Variants in CEP350 observed in about 807,000 individuals in gnomAD.
The protein encoded by CEP350 is centrosome-associated protein 350.
CEP350 carries 126 observed loss-of-function variants against 331.8 expected under a neutral mutation model. That is an observed-to-expected ratio of 0.38 (90% CI 0.33 to 0.44). CEP350 has a LOEUF of 0.44. Among genes scored for constraint, CEP350 ranks in the 20% least tolerant of loss-of-function variants. The probability of loss-of-function intolerance (pLI) is 1.00; values close to 1 mark genes in which losing one functional copy is unlikely to be tolerated. For synonymous variants in CEP350, 1,200 were observed against 1,259.5 expected (o/e 0.95, Z 1.00); for missense variants, 3,406 against 3,634.6 (o/e 0.94, Z 1.62).
At position 180,095,907 on chromosome 1, in the gene CEP350, A is replaced by G. The variant is rs749840545; in HGVS notation, c.8896A>G (p.Thr2966Ala). ...CASKGLDIES[T>A]SKRVYKQAVF... ...CAGTAAAGGTCTAGATATAGAAAGCACTAGTAAAAGGGTCTACAAACAGGT... is the reference window on the plus strand; with the variant it reads ...CAGTAAAGGTCTAGATATAGAAAGCGCTAGTAAAAGGGTCTACAAACAGGT... The change falls in exon 35 of 38, where the codon ACT becomes GCT. Residue 2966 changes from threonine to alanine, a missense_variant. Physicochemically the swap from Thr to Ala is moderately conservative, Grantham distance 58. Coordinates refer to ENST00000367607, the MANE Select transcript of CEP350 (RefSeq NM_014810.5). 2 of 1,605,096 alleles carry G rather than the reference A, an allele frequency of 1.2e-6. No individual in the cohort carries two copies. Among genetic ancestry groups the G allele is most frequent in the Admixed American group, 1.7e-5 (1 of 57,736 alleles).
At chr1:180,096,523 GT>G in intron 36 of CEP350, among the ~76,000 whole-genome samples, 1 of 152,264 alleles carries the variant, frequency 6.6e-6, no homozygotes, top group South Asian at 2.1e-4. Context: ...TTTTAGGTAA[GT>G]TTTGGGGGCT....
In CEP350 at chr1:180,075,080, C is replaced by A; in HGVS notation, c.5626C>A (p.Leu1876Ile). The change falls in exon 28 of 38, where the codon CTA becomes ATA. Residue 1876 changes from leucine (L) to isoleucine (I), a missense_variant. By Grantham distance (5) the Leu-to-Ile change is conservative. Around this residue, in one of 5 missense-constraint regions of CEP350, gnomAD observed 1,415 missense variants for 1,512.3 expected, o/e 0.94. Transcript: ENST00000367607. ...ACGGCGACAACATGCAGAGGAGCTC[C>A]TAGAGTGGAAGCGACGTTTAGATGC... Reference protein sequence around the residue: ...MQRRQHAEELLEWKRRLDAEE... With the variant: ...MQRRQHAEELIEWKRRLDAEE... The A allele has an allele frequency of 6.2e-7, 1 of 1,613,262 alleles. No homozygotes were observed. Among genetic ancestry groups the A allele is most frequent in the Non-Finnish European group, 8.5e-7 (1 of 1,179,598 alleles).
At chr1:180,042,132 T>TCTCACACACACACACACACA (rs1553258521) in intron 19 of CEP350, among the ~76,000 whole-genome samples, 3 of 146,774 alleles carry the variant, frequency 2.0e-5, no homozygotes, top group African/African-American at 7.6e-5. Context: ...GAGTTTTCTC[T>TCTCACACACACACACACACA]CACACACACA....
chr1:180,042,008 A>C (rs1428906809), intron 19 of CEP350, among the ~76,000 whole-genome samples: 2 of 152,162 alleles, frequency 1.3e-5, no homozygotes, highest in East Asian at 3.8e-4. Context: ...GGCAGAAAAA[A>C]GATGAAGAGC....
chr1:180,020,891 G>T lies in CEP350; in HGVS notation c.3117G>T (p.Leu1039Phe), dbSNP rs1312314804. ...KEFQKEAEKF[L>F]PLFGHIGGTQ... Reference sequence around the variant, plus strand: ...TTCAGAAAGAAGCTGAAAAATTCTTGCCACTTTTTGGGCACATAGGTGGTA... The same window carrying T: ...TTCAGAAAGAAGCTGAAAAATTCTTTCCACTTTTTGGGCACATAGGTGGTA... The change falls in exon 12 of 38, where the codon TTG (leucine) becomes TTT (phenylalanine). Residue 1039 changes from leucine (L) to phenylalanine (F), a missense_variant. By Grantham distance (22) the Leu-to-Phe change is conservative. Around this residue, in one of 5 missense-constraint regions of CEP350, gnomAD observed 1,857 missense variants for 1,909.2 expected, o/e 0.97. Coordinates refer to ENST00000367607, the MANE Select transcript of CEP350 (RefSeq NM_014810.5). 6.2e-7 allele frequency: 1 copy of T among 1,613,266 alleles called. No homozygotes were observed. The highest frequency in any genetic ancestry group is 8.5e-7 in the Non-Finnish European group (1 of 1,179,826).
At chr1:179,996,500 G>T in intron 5 of CEP350, 53 bp from the exon 6 acceptor site, 2 of 1,275,722 alleles carry the variant, frequency 1.6e-6, no homozygotes, top group Non-Finnish European at 2.1e-6. Context: ...CAATTTTCAA[G>T]TATACAATAT....
At chr1:180,100,219 G>A (rs1660722375) in intron 37 of CEP350, among the ~76,000 whole-genome samples, 2 of 152,134 alleles carry the variant, frequency 1.3e-5, no homozygotes, top group Non-Finnish European at 2.9e-5. Context: ...AAGGACTAAT[G>A]TTATTCTTTG....
chr1:180,021,948 T>G (rs1655349676), intron 12 of CEP350, among the ~76,000 whole-genome samples: 1 of 152,172 alleles, frequency 6.6e-6, no homozygotes, highest in Non-Finnish European at 1.5e-5. Context: ...AGTCCCTTTC[T>G]CTATCCTTCC....
chr1:180,004,166 A>G (rs1344708058), intron 7 of CEP350, among the ~76,000 whole-genome samples: 2 of 152,176 alleles, frequency 1.3e-5, no homozygotes, highest in Admixed American at 1.3e-4. Context: ...TATGTTACAT[A>G]ACTTCTCTTT....
intron 1 of CEP350, among the ~76,000 whole-genome samples, chr1:179,963,406 T>C (rs964725529): frequency 2.6e-5 from 4 of 152,182 alleles, no homozygotes; most frequent in Non-Finnish European, 4.4e-5. Context: ...AGAAGAGTTT[T>C]TCCTAGGTTT....
At chr1:180,043,284 G>T in intron 20 of CEP350, 92 bp downstream of exon 20, 1 of 1,404,894 alleles carries the variant, frequency 7.1e-7, no homozygotes, top group Non-Finnish European at 9.5e-7. Flanking sequence ...GTTGTTATAG[G>T]CATTATTCTT....
At position 180,023,990 on chromosome 1, in the gene CEP350, A is replaced by G. The variant is rs182548382; in HGVS notation, c.3387-429A>G. On this transcript the variant is annotated intron_variant, in intron 13 of 37. Transcript: ENST00000367607. ...GAAAATATGAAATTTTTAAATAAAA[A>G]CCTTCAAAGATTTATGGTGACATTT... Among the ~76,000 whole-genome samples the G allele has an allele frequency of 4.4e-3, 664 of 152,142 alleles. 5 individuals are homozygous for G. Among genetic ancestry groups the G allele is most frequent in the African/African-American group, 0.015 (632 of 41,540 alleles).
intron 26 of CEP350, among the ~76,000 whole-genome samples, chr1:180,063,708 G>A (rs1321037424): frequency 2.0e-5 from 3 of 152,052 alleles, no homozygotes; most frequent in Non-Finnish European, 4.4e-5. Context: ...AGCTACTTGC[G>A]AGGCTGAGGT....
intron 12 of CEP350, among the ~76,000 whole-genome samples, chr1:180,021,852 C>T (rs912444802): frequency 2.6e-5 from 4 of 152,094 alleles, no homozygotes; most frequent in African/African-American, 9.7e-5. Context: ...TATTTGATTC[C>T]TAAAACAGTA....
At chr1:180,021,065 A>C in intron 12 of CEP350, 56 bp downstream of exon 12, 3 of 1,394,478 alleles carry the variant, frequency 2.2e-6, no homozygotes, top group Non-Finnish European at 2.8e-6. Flanking sequence ...ATTATTTTAT[A>C]ATTTCTGTAT....
At chr1:180,040,656 A>C (rs1429091884) in intron 17 of CEP350, among the ~76,000 whole-genome samples, 8 of 151,364 alleles carry the variant, frequency 5.3e-5, no homozygotes, top group Admixed American at 5.3e-4. Context: ...AAATATATAT[A>C]TATATTTATA....
intron 28 of CEP350, among the ~76,000 whole-genome samples, chr1:180,078,241 G>A (rs993175658): frequency 6.6e-6 from 1 of 152,308 alleles, no homozygotes; most frequent in Middle Eastern, 3.4e-3. Context: ...CTTCTAAGGT[G>A]TAGTGATTAA....
Position 180,012,553 on chromosome 1 carries a change from A to G in CEP350, c.1393+478A>G, listed in dbSNP as rs565256560. Among the ~76,000 whole-genome samples, 4 of 152,338 alleles carry G rather than the reference A, an allele frequency of 2.6e-5. No homozygotes were observed. In the East Asian group the frequency reaches 7.7e-4, roughly 29 times the overall value. ...GGCAGAACTGTTTAGTTTGACCCTC[A>G]AGTCCACTGTTTTTCTCCTATCAAA... is the stretch of plus-strand genomic sequence containing the variant. On this transcript the variant is annotated intron_variant, in intron 9 of 37. Transcript: ENST00000367607.
chr1:180,091,828 C>CAA (rs59793106), intron 33 of CEP350, among the ~76,000 whole-genome samples: 1 of 111,546 alleles, frequency 9.0e-6, no homozygotes, highest in African/African-American at 3.4e-5. Flanking sequence ...GACACTATCT[C>CAA]AAAAAAAAAA....
Sources: allele counts gnomAD v4.1 joint callset (sites outside exome capture counted in the v4.1 genomes callset), GRCh38; gene constraint gnomAD v4.1.1; regional missense constraint gnomAD v4.1.1; transcripts MANE v1.5; gene names NCBI Gene and HGNC (gene_info 2026-07-23, HGNC 2026-07-21).